OR2B11: variants seen among roughly 807,000 people sequenced by gnomAD.
OR2B11 encodes the protein olfactory receptor family 2 subfamily B member 11.
For synonymous variants in OR2B11, 198 were observed against 174.5 expected (o/e 1.13, Z -1.06); for missense variants, 422 against 400.0 (o/e 1.05, Z -0.47).
chr1:247,456,397 T>C (rs1178930210), intron 1 of OR2B11, among the ~76,000 whole-genome samples: 2 of 152,192 alleles, frequency 1.3e-5, no homozygotes, highest in Admixed American at 6.5e-5. Context: ...TCCTCCCACC[T>C]TGGCCTCCCA....
chr1:247,450,983 G>T lies in OR2B11; in HGVS notation c.*46C>A. ...GATGCTCTGAGTGCACAATAGACTT[G>T]TGCTGTGTTCTTTAATTGATGGAGA... On this transcript the variant is annotated 3_prime_UTR_variant, in exon 2 of 2. Transcript: ENST00000641149. The T allele has an allele frequency of 8.4e-7, 1 of 1,184,170 alleles. No homozygotes were observed. Among genetic ancestry groups the T allele is most frequent in the Non-Finnish European group, 1.2e-6 (1 of 854,292 alleles). 73.4% of individuals were successfully genotyped at this position (1,184,170 alleles called of 1,614,324 possible). A position where few individuals can be genotyped will look rare whatever the true frequency, so the allele number is the denominator to read the frequency against.
chr1:247,457,059 G>C (rs1332083508), intron 1 of OR2B11, among the ~76,000 whole-genome samples: 1 of 152,164 alleles, frequency 6.6e-6, no homozygotes, highest in African/African-American at 2.4e-5. Flanking sequence ...ACCCAGCAGT[G>C]ATGGGCCTAT....
At position 247,454,074 on chromosome 1, in the gene OR2B11, T is replaced by G. The variant is rs10802506; in HGVS notation, c.-2092A>C. ...GATGAGGGAGAGGAAGGTCACAGGA[T>G]AGAAAGGGGCAGGGATTAGAGAGGA... On this transcript the variant is annotated 5_prime_UTR_variant, in exon 2 of 2. Coordinates refer to ENST00000641149, the MANE Select transcript of OR2B11 (RefSeq NM_001004492.2). 0.85 allele frequency: 129,700 copies of G among 152,170 alleles called. 55,420 individuals are homozygous for G. Among genetic ancestry groups the G allele is most frequent in the East Asian group, 0.94 (4,859 of 5,164 alleles). The allele number at this position is 152,170 out of a possible 1,614,324, so 9.4% of individuals were successfully genotyped here.
In OR2B11 at chr1:247,450,245, C is replaced by T. The variant is rs1272619907; in HGVS notation, c.*784G>A. ...TTGTGATTCACCCGCCTCGGCCTCCCAAAGTGCTGGGATTACAGGCATGAG... is the reference window on the plus strand; with the variant it reads ...TTGTGATTCACCCGCCTCGGCCTCCTAAAGTGCTGGGATTACAGGCATGAG... On this transcript the variant is annotated 3_prime_UTR_variant, in exon 2 of 2. Transcript: ENST00000641149. 6.6e-6 allele frequency: 1 copy of T among 152,222 alleles called. No individual in the cohort carries two copies. The highest frequency in any genetic ancestry group is 2.4e-5 in the African/African-American group (1 of 41,448). The allele number at this position is 152,222 out of a possible 1,614,324, so 9.4% of individuals were successfully genotyped here.
chr1:247,451,653 C>T lies in OR2B11; in HGVS notation c.330G>A (p.Trp110Ter), dbSNP rs952273065. Residue 110 changes from tryptophan (W) to a stop codon, truncating the protein, a stop_gained, in exon 2 of 2, where the codon TGG becomes TGA. Transcript: ENST00000641149. LOFTEE classifies it low-confidence loss of function (END_TRUNC). The part of the protein sequence containing the change: ...GCTVQYAVFH[W>*]LGCTECIVLA... ...GGACGATGCACTCCGTGCATCCCAGCCAGTGGAAGACTGCATATTGCACAG... is the reference window on the plus strand; with the variant it reads ...GGACGATGCACTCCGTGCATCCCAGTCAGTGGAAGACTGCATATTGCACAG... 1.2e-6 allele frequency: 2 copies of T among 1,614,044 alleles called. No homozygotes were observed. Among genetic ancestry groups the T allele is most frequent in the Non-Finnish European group, 1.7e-6 (2 of 1,180,026 alleles).
intron 1 of OR2B11, among the ~76,000 whole-genome samples, chr1:247,456,221 G>A (rs960559647): frequency 6.6e-6 from 1 of 152,182 alleles, no homozygotes; most frequent in African/African-American, 2.4e-5. Context: ...CGGTTCACAT[G>A]GAGGGGAAAT....
chr1:247,456,135 AG>A (rs1664961332), intron 1 of OR2B11, among the ~76,000 whole-genome samples: 1 of 152,186 alleles, frequency 6.6e-6, no homozygotes, highest in Non-Finnish European at 1.5e-5. Flanking sequence ...TGAGAGGTTC[AG>A]AAAGATTAAG....
Position 247,451,704 on chromosome 1 carries a change from C to T in OR2B11, c.279G>A (p.Gln93=), listed in dbSNP as rs1345379098. 1 of 1,614,154 alleles carries T rather than the reference C, an allele frequency of 6.2e-7. No individual in the cohort carries two copies. The highest frequency in any genetic ancestry group is 8.5e-7 in the Non-Finnish European group (1 of 1,180,002). ...TGCAGCCTCCATAGCTGATGGTCTT[C>T]TGGGAACTGCCCATGTTGACCAGCA... The part of the protein sequence containing the change: ...PQMLVNMGSS[Q]KTISYGGCTV... Residue 93 remains glutamine, a synonymous_variant, in exon 2 of 2, where the codon CAG becomes CAA. Transcript: ENST00000641149.
chr1:247,452,237 C>T lies in OR2B11; in HGVS notation c.-255G>A. 2 of 444,502 alleles carry T rather than the reference C, an allele frequency of 4.5e-6. 1 individual carries two copies. Among genetic ancestry groups the T allele is most frequent in the East Asian group, 7.3e-5 (2 of 27,418 alleles). The allele number at this position is 444,502 out of a possible 1,614,324, so 27.5% of individuals were successfully genotyped here. On this transcript the variant is annotated 5_prime_UTR_variant, in exon 2 of 2. Transcript: ENST00000641149. ...AACTAAACCATTTAATATTCCTGAA[C>T]TTCTGCATCTGTAAAATGGGGAGAA...
At position 247,451,240 on chromosome 1, in the gene OR2B11, T is replaced by A. The variant is rs748202669; in HGVS notation, c.743A>T (p.His248Leu). The A allele has an allele frequency of 3.1e-6, 5 of 1,604,662 alleles. No individual in the cohort carries two copies. The highest frequency in any genetic ancestry group is 8.5e-7 in the Non-Finnish European group (1 of 1,172,976). Residue 248 changes from histidine to leucine, a missense_variant, in exon 2 of 2, where the codon CAC becomes CTC. His to Leu is a moderately conservative substitution (Grantham distance 99). Coordinates refer to ENST00000641149, the MANE Select transcript of OR2B11 (RefSeq NM_001004492.2). ...RHKAFGTCSSHLMIVSLFYLP... is the reference protein window; with the variant it reads ...RHKAFGTCSSLLMIVSLFYLP... Reference sequence around the variant, plus strand: ...GTAGAAGAGGGAGACGATCATCAGGTGGGAGGAACACGTCCCAAAGGCCTT... The same window carrying A: ...GTAGAAGAGGGAGACGATCATCAGGAGGGAGGAACACGTCCCAAAGGCCTT...
rs761449331 is a variant in OR2B11 at position 247,451,282 on chromosome 1, G to A, written c.701C>T (p.Ser234Phe). 6.2e-6 allele frequency: 10 copies of A among 1,614,106 alleles called. No homozygotes were observed. Among genetic ancestry groups the A allele is most frequent in the Non-Finnish European group, 8.5e-6 (10 of 1,180,008 alleles). The change falls in exon 2 of 2, where the codon TCC becomes TTC. Residue 234 changes from serine to phenylalanine, a missense_variant. Ser to Phe is a radical substitution (Grantham distance 155). Coordinates refer to ENST00000641149, the MANE Select transcript of OR2B11 (RefSeq NM_001004492.2). ...FIARAVLRIQ[S>F]SKGRHKAFGT... ...AAAGGCCTTGTGTCGTCCCTTGGAG[G>A]ACTGGATCCTGAGCACTGCCCGGGC... is the stretch of plus-strand genomic sequence containing the variant.
chr1:247,453,466 A>T lies in OR2B11; in HGVS notation c.-1484T>A, dbSNP rs1452396267. 6.6e-6 allele frequency: 1 copy of T among 152,250 alleles called. No homozygotes were observed. The highest frequency in any genetic ancestry group is 1.5e-5 in the Non-Finnish European group (1 of 68,046). 9.4% of individuals were successfully genotyped at this position (152,250 alleles called of 1,614,324 possible). On this transcript the variant is annotated 5_prime_UTR_variant, in exon 2 of 2. Coordinates refer to ENST00000641149, the MANE Select transcript of OR2B11 (RefSeq NM_001004492.2). ...CCAGATTCTATCAACAATACTTATG[A>T]AATAAACTTCACAGAATGTGATCTT...
Position 247,450,587 on chromosome 1 carries a change from T to C in OR2B11, c.*442A>G, listed in dbSNP as rs1664822364. On this transcript the variant is annotated 3_prime_UTR_variant, in exon 2 of 2. Coordinates refer to ENST00000641149, the MANE Select transcript of OR2B11 (RefSeq NM_001004492.2). ...AATCTACTTCATTCCTGGAATTGTCTGAAAAAGTCGTGTAAAATTTGTGGA... is the reference window on the plus strand; with the variant it reads ...AATCTACTTCATTCCTGGAATTGTCCGAAAAAGTCGTGTAAAATTTGTGGA... 6.5e-6 allele frequency: 1 copy of C among 153,076 alleles called. No homozygotes were observed. Among genetic ancestry groups the C allele is most frequent in the Non-Finnish European group, 1.5e-5 (1 of 68,648 alleles). 9.5% of individuals were successfully genotyped at this position (153,076 alleles called of 1,614,324 possible). A position where few individuals can be genotyped will look rare whatever the true frequency, so the allele number is the denominator to read the frequency against.
rs1428740531 is a variant in OR2B11, at chr1:247,457,951, C to T, written c.-3395G>A. On this transcript the variant is annotated 5_prime_UTR_variant, in exon 1 of 2. Transcript: ENST00000641149. The stretch of plus-strand genomic sequence containing the variant: ...TTGGCAGTACGTGAGGTCGGTGGAA[C>T]TGCCTTAACCTTAGTCCCCCAGAGT... The T allele has an allele frequency of 6.6e-6, 1 of 152,134 alleles. No homozygotes were observed. The highest frequency in any genetic ancestry group is 2.4e-5 in the African/African-American group (1 of 41,428). 9.4% of individuals were successfully genotyped at this position (152,134 alleles called of 1,614,324 possible).
chr1:247,451,442 AG>A lies in OR2B11; in HGVS notation c.540del (p.Phe182SerfsTer7). ...LPFCGRQVLN[N>X]FFCEVPAVIK... ...ATCACGGCCGGCACCTCACAGAAAAAGTTGTTCAGCACCTGCCGCCCGCAGA... is the reference window on the plus strand; with the variant it reads ...ATCACGGCCGGCACCTCACAGAAAAATTGTTCAGCACCTGCCGCCCGCAGA... On this transcript the variant is annotated frameshift_variant, in exon 2 of 2. Transcript: ENST00000641149. LOFTEE classifies it low-confidence loss of function (END_TRUNC). 2 of 1,614,126 alleles carry A rather than the reference AG, an allele frequency of 1.2e-6. No individual in the cohort carries two copies. The highest frequency in any genetic ancestry group is 2.2e-5 in the East Asian group (1 of 44,864).
rs1400057489 is a variant in OR2B11, at chr1:247,449,649, G to A, written c.*1380C>T. 2 of 152,092 alleles carry A rather than the reference G, an allele frequency of 1.3e-5. No homozygotes were observed. The highest frequency in any genetic ancestry group is 4.1e-4 in the South Asian group (2 of 4,826). The allele number at this position is 152,092 out of a possible 1,614,324, so 9.4% of individuals were successfully genotyped here. A position where few individuals can be genotyped will look rare whatever the true frequency, so the allele number is the denominator to read the frequency against. Reference sequence around the variant, plus strand: ...ACATTATTAAACATACCTTTTAGATGAGCTGACATTTAAAAAAAACCCTGA... The same window carrying A: ...ACATTATTAAACATACCTTTTAGATAAGCTGACATTTAAAAAAAACCCTGA... On this transcript the variant is annotated 3_prime_UTR_variant, in exon 2 of 2. Transcript: ENST00000641149.
In OR2B11 at chr1:247,451,709, A is replaced by G. The variant is rs1664851327; in HGVS notation, c.274T>C (p.Ser92Pro). ...CCTCCATAGCTGATGGTCTTCTGGG[A>G]ACTGCCCATGTTGACCAGCATCTGA... ...VPQMLVNMGS[S>P]QKTISYGGCT... Residue 92 changes from serine to proline, a missense_variant, in exon 2 of 2, where the codon TCC becomes CCC. By Grantham distance (74) the Ser-to-Pro change is moderately conservative. Coordinates refer to ENST00000641149, the MANE Select transcript of OR2B11 (RefSeq NM_001004492.2). 1 of 1,614,158 alleles carries G rather than the reference A, an allele frequency of 6.2e-7. No homozygotes were observed. The highest frequency in any genetic ancestry group is 2.2e-5 in the East Asian group (1 of 44,870).
At position 247,454,207 on chromosome 1, in the gene OR2B11, GCACA is replaced by G. The variant is rs1010365608; in HGVS notation, c.-2229_-2226del. On this transcript the variant is annotated 5_prime_UTR_variant, in exon 2 of 2. The change creates a premature stop within an existing upstream ORF in the 5' untranslated region. Transcript: ENST00000641149. Reference sequence around the variant, plus strand: ...CACACACACACACACACACACACACGCACACACACACGGTTTCTCAATGGCAAAG... The same window carrying G: ...CACACACACACACACACACACACACGCACACACGGTTTCTCAATGGCAAAG... 6.6e-6 allele frequency: 1 copy of G among 151,286 alleles called. No homozygotes were observed. 9.4% of individuals were successfully genotyped at this position (151,286 alleles called of 1,614,324 possible). A position where few individuals can be genotyped will look rare whatever the true frequency, so the allele number is the denominator to read the frequency against.
intron 1 of OR2B11, 25 bp downstream of exon 1, chr1:247,457,614 C>T (rs1664989879): frequency 6.6e-6 from 1 of 152,304 alleles, no homozygotes; most frequent in African/African-American, 2.4e-5. Context: ...TTCAGTTTGA[C>T]TGGAGTTGAG....
Sources: gnomAD v4.1 joint callset for allele counts (sites outside exome capture counted in the v4.1 genomes callset) on GRCh38, gnomAD v4.1.1 for gene constraint, MANE v1.5 for transcripts, NCBI Gene and HGNC (gene_info 2026-07-23, HGNC 2026-07-21) for gene names.